Variants in WWOX observed in about 807,000 individuals in gnomAD.
WWOX encodes WW domain containing oxidoreductase.
WWOX carries 69 observed loss-of-function variants against 46.2 expected under a neutral mutation model. That is an observed-to-expected ratio of 1.49 (90% CI 1.23 to 1.82). The LOEUF (loss-of-function observed/expected upper bound fraction) is 1.82. Among genes scored for constraint, WWOX ranks in the 40% most tolerant of loss-of-function variants. The pLI is 0.00. For synonymous variants in WWOX, 359 were observed against 202.6 expected, an observed-to-expected ratio of 1.77 and a Z score of -6.56; for missense variants, 919 against 542.6, an observed-to-expected ratio of 1.69 and a Z score of -6.89.
chr16:78,562,742 C>G (rs917894169), intron 8 of WWOX, among the ~76,000 whole-genome samples: 1 of 152,184 alleles, frequency 6.6e-6, no homozygotes, highest in Non-Finnish European at 1.5e-5. Context: ...AGCATGCAAG[C>G]TAGGAGTTAA....
chr16:78,986,245 T>G (rs942928203), intron 8 of WWOX, among the ~76,000 whole-genome samples: 1 of 152,224 alleles, frequency 6.6e-6, no homozygotes, highest in East Asian at 1.9e-4. Context: ...GAAAAACTTA[T>G]TGAAAATAGT....
At chr16:78,720,799 G>A (rs1032797974) in intron 8 of WWOX, among the ~76,000 whole-genome samples, 108 of 152,190 alleles carry the variant, frequency 7.1e-4, no homozygotes, top group African/African-American at 2.5e-3. Context: ...GTGCCCAAGT[G>A]CCTTCCTCCA....
At chr16:78,994,094 T>C (rs1258646347) in intron 8 of WWOX, among the ~76,000 whole-genome samples, 1 of 152,184 alleles carries the variant, frequency 6.6e-6, no homozygotes, top group East Asian at 1.9e-4. Flanking sequence ...TTGCTTATTA[T>C]GATCAAGAAA....
chr16:78,845,085 C>A (rs915802381), intron 8 of WWOX, among the ~76,000 whole-genome samples: 1 of 151,722 alleles, frequency 6.6e-6, no homozygotes, highest in Admixed American at 6.6e-5. Flanking sequence ...GTCGTTGTCT[C>A]CTCCTATTTA....
Position 78,613,334 on chromosome 16 carries a change from G to A in WWOX, c.1056+180582G>A, listed in dbSNP as rs138215570. Among the ~76,000 whole-genome samples the A allele has an allele frequency of 8.1e-3, 1,239 of 152,218 alleles. 19 individuals are homozygous for A. Among genetic ancestry groups the A allele is most frequent in the African/African-American group, 0.029 (1,187 of 41,504 alleles). On this transcript the variant is annotated intron_variant, in intron 8 of 8. Transcript: ENST00000566780. ...AGTGTGTTCCTTGAAGTCCCGATGC[G>A]TGATTTGTCCCCATGCTGTGTCGCA...
At chr16:78,947,275 TA>T (rs1449873936) in intron 8 of WWOX, among the ~76,000 whole-genome samples, 2 of 152,210 alleles carry the variant, frequency 1.3e-5, no homozygotes, top group African/African-American at 4.8e-5. Flanking sequence ...CTTAGATTTT[TA>T]ACTCCCTGTT....
At chr16:78,322,055 A>T (rs1019063115) in intron 5 of WWOX, among the ~76,000 whole-genome samples, 21 of 152,146 alleles carry the variant, frequency 1.4e-4, no homozygotes, top group Non-Finnish European at 1.2e-4. Context: ...TTGCCTAAAT[A>T]TTTGGCTCCT....
intron 1 of WWOX, among the ~76,000 whole-genome samples, chr16:78,104,068 G>A (rs964524916): frequency 9.2e-5 from 14 of 152,024 alleles, no homozygotes; most frequent in African/African-American, 3.4e-4. Context: ...GGAAGTGAGG[G>A]ACAAGGTCTC....
intron 8 of WWOX, among the ~76,000 whole-genome samples, chr16:78,758,148 A>C (rs1009956167): frequency 2.0e-5 from 3 of 152,228 alleles, no homozygotes; most frequent in Non-Finnish European, 4.4e-5. Flanking sequence ...TTTAAAAGGA[A>C]ATGTTCTATT....
chr16:78,433,392 A>T (rs1051827613), intron 8 of WWOX, among the ~76,000 whole-genome samples: 9 of 152,208 alleles, frequency 5.9e-5, no homozygotes, highest in African/African-American at 2.2e-4. Context: ...CCATATTAAG[A>T]ACCTTCTTCT....
intron 8 of WWOX, among the ~76,000 whole-genome samples, chr16:79,066,107 T>C: frequency 6.6e-6 from 1 of 152,174 alleles, no homozygotes; most frequent in Non-Finnish European, 1.5e-5. Context: ...TCTCCTGCTT[T>C]TTCTTTTTGT....
At chr16:78,442,506 T>C (rs1264872732) in intron 8 of WWOX, among the ~76,000 whole-genome samples, 2 of 152,122 alleles carry the variant, frequency 1.3e-5, no homozygotes, top group African/African-American at 4.8e-5. Flanking sequence ...TTCTGTGAGT[T>C]TGACTGCTTT....
intron 8 of WWOX, among the ~76,000 whole-genome samples, chr16:78,684,402 C>G (rs925941223): frequency 2.6e-5 from 4 of 152,182 alleles, no homozygotes; most frequent in Admixed American, 1.3e-4. Flanking sequence ...GTAGGGATGA[C>G]TGGTTTTGCA....
chr16:78,547,968 G>T (rs923165794), intron 8 of WWOX, among the ~76,000 whole-genome samples: 1 of 151,900 alleles, frequency 6.6e-6, no homozygotes, highest in Non-Finnish European at 1.5e-5. Flanking sequence ...CCTGGCCAAT[G>T]TGGTGAAACC....
At chr16:79,080,745 T>G (rs1258281545) in intron 8 of WWOX, among the ~76,000 whole-genome samples, 1 of 152,102 alleles carries the variant, frequency 6.6e-6, no homozygotes, top group Non-Finnish European at 1.5e-5. Flanking sequence ...AGTGGGAGGA[T>G]CGCTTGAAGC....
chr16:78,736,635 T>A (rs1216015494), intron 8 of WWOX, among the ~76,000 whole-genome samples: 4 of 151,920 alleles, frequency 2.6e-5, no homozygotes, highest in African/African-American at 7.3e-5. Context: ...TCTGTCTCTT[T>A]CCCCCAGGCT....
intron 8 of WWOX, among the ~76,000 whole-genome samples, chr16:78,886,706 C>T (rs1340222914): frequency 1.3e-5 from 2 of 148,724 alleles, no homozygotes; most frequent in African/African-American, 5.0e-5. Context: ...AAAAGAAAAA[C>T]ATATAGAGAA....
At chr16:78,404,609 G>A (rs1432943630) in intron 6 of WWOX, among the ~76,000 whole-genome samples, 1 of 152,102 alleles carries the variant, frequency 6.6e-6, no homozygotes, top group East Asian at 1.9e-4. Context: ...AATTTCTTAA[G>A]GACGGGACTA....
intron 8 of WWOX, among the ~76,000 whole-genome samples, chr16:79,063,050 T>C (rs1418841692): frequency 6.6e-6 from 1 of 152,010 alleles, no homozygotes; most frequent in Non-Finnish European, 1.5e-5. Context: ...AAGAGGGAGG[T>C]TGATAAACCA....
Sources: allele counts gnomAD v4.1 joint callset (sites outside exome capture counted in the v4.1 genomes callset), GRCh38; gene constraint gnomAD v4.1.1; transcripts MANE v1.5; gene names NCBI Gene and HGNC (gene_info 2026-07-23, HGNC 2026-07-21).